Variants in OSBPL9 observed in about 807,000 individuals in gnomAD.
The protein encoded by OSBPL9 is oxysterol binding protein like 9.
Under a neutral mutation model 106.6 loss-of-function variants are expected in OSBPL9, and 40 were observed. That is an observed-to-expected ratio of 0.38 (90% CI 0.29 to 0.49). The LOEUF is 0.49. OSBPL9 is among the 20% of genes least tolerant of loss of function. OSBPL9 has a pLI of 0.97. For synonymous variants in OSBPL9, 269 were observed against 295.4 expected (o/e 0.91, Z 0.92); for missense variants, 609 against 887.2 (o/e 0.69, Z 3.98).
chr1:51,664,377 T>G (rs1454937285), intron 2 of OSBPL9, among the ~76,000 whole-genome samples: 4 of 152,068 alleles, frequency 2.6e-5, no homozygotes, highest in African/African-American at 9.7e-5. Flanking sequence ...AAATAAGTGG[T>G]GTGAGTCCAT....
At chr1:51,634,788 C>CCA (rs1645320847) in intron 1 of OSBPL9, among the ~76,000 whole-genome samples, 1 of 152,186 alleles carries the variant, frequency 6.6e-6, no homozygotes, top group South Asian at 2.1e-4. Flanking sequence ...TTAATGGACT[C>CCA]TCAGTTCCAC....
chr1:51,787,712 C>T lies in OSBPL9; in HGVS notation c.2137-3C>T, dbSNP rs764898862. On this transcript the variant is annotated splice_polypyrimidine_tract_variant and splice_region_variant and intron_variant, in intron 23 of 23. Coordinates refer to ENST00000428468, the MANE Select transcript of OSBPL9 (RefSeq NM_024586.6). ...AACTAAATTCTTCCTCTTTGTCTTA[C>T]AGTTATTTCATGAAGATGGAGAATG... is the stretch of plus-strand genomic sequence containing the variant. 3 of 1,611,898 alleles carry T rather than the reference C, an allele frequency of 1.9e-6. No individual in the cohort carries two copies. Among genetic ancestry groups the T allele is most frequent in the Non-Finnish European group, 2.5e-6 (3 of 1,178,092 alleles).
chr1:51,560,246 G>A, the OSBPL9 span, among the ~76,000 whole-genome samples: 1 of 152,210 alleles, frequency 6.6e-6, no homozygotes, highest in African/African-American at 2.4e-5. Flanking sequence ...GGCTTCCAGA[G>A]GCTCTGTTGT....
the OSBPL9 span, among the ~76,000 whole-genome samples, chr1:51,520,485 A>G: frequency 6.6e-6 from 1 of 152,134 alleles, no homozygotes; most frequent in Non-Finnish European, 1.5e-5. Flanking sequence ...TCTCCACCTC[A>G]CTGCACTGTA....
intron 3 of OSBPL9, among the ~76,000 whole-genome samples, chr1:51,686,519 A>G (rs1653844953): frequency 1.3e-5 from 2 of 152,218 alleles, no homozygotes; most frequent in Non-Finnish European, 2.9e-5. Flanking sequence ...TGTATTAGCA[A>G]TGTTTTCATG....
intron 2 of OSBPL9, among the ~76,000 whole-genome samples, chr1:51,601,460 CTCAGGTCTCCCTCT>C (rs1645324979): frequency 6.6e-6 from 1 of 152,236 alleles, no homozygotes; most frequent in Admixed American, 6.5e-5. Flanking sequence ...TCCAATCCTG[CTCAGGTCTCCCTCT>C]TCAGCTTCAT....
At chr1:51,669,041 C>T (rs1649213588) in intron 2 of OSBPL9, among the ~76,000 whole-genome samples, 1 of 152,202 alleles carries the variant, frequency 6.6e-6, no homozygotes, top group African/African-American at 2.4e-5. Flanking sequence ...TGCTGAAGAG[C>T]ACCTGCCTTC....
the OSBPL9 span, among the ~76,000 whole-genome samples, chr1:51,531,714 AG>A: frequency 0.021 from 3,241 of 152,316 alleles, 54 homozygotes; most frequent in Non-Finnish European, 0.031. Flanking sequence ...TCTGGAGTTC[AG>A]GGGAGAGGCC....
chr1:51,591,483 T>A (rs927578352), intron 1 of OSBPL9, among the ~76,000 whole-genome samples: 1 of 152,226 alleles, frequency 6.6e-6, no homozygotes, highest in African/African-American at 2.4e-5. Context: ...AGTTTTGTCT[T>A]AGACATGTGA....
intron 1 of OSBPL9, among the ~76,000 whole-genome samples, chr1:51,629,228 T>G (rs921748624): frequency 2.0e-5 from 3 of 152,202 alleles, no homozygotes; most frequent in African/African-American, 7.2e-5. Flanking sequence ...TGGCATATAT[T>G]GTTATTGCTT....
intron 2 of OSBPL9, among the ~76,000 whole-genome samples, chr1:51,607,698 G>A (rs1282531089): frequency 6.6e-6 from 1 of 152,134 alleles, no homozygotes; most frequent in Non-Finnish European, 1.5e-5. Flanking sequence ...CATCAGCTAT[G>A]TCTATCTGTT....
At position 51,767,936 on chromosome 1, in the gene OSBPL9, C is replaced by CTTTT. The variant is rs869092922; in HGVS notation, c.938+1979_938+1982dup. Among the ~76,000 whole-genome samples, 287 of 65,054 alleles carry CTTTT rather than the reference C, an allele frequency of 4.4e-3. 57 individuals carry two copies. The highest frequency in any genetic ancestry group is 0.015 in the African/African-American group (259 of 16,732). The allele number at this position is 65,054 out of a possible 152,430, so 42.7% of individuals were successfully genotyped here. A position where few individuals can be genotyped will look rare whatever the true frequency, so the allele number is the denominator to read the frequency against. ...TATTTAAAAGAGAATTAAAGACCGT[C>CTTTT]TTTTTTTTTTTTTTTTTTTTTTTTT... On this transcript the variant is annotated intron_variant, in intron 12 of 23. Coordinates refer to ENST00000428468, the MANE Select transcript of OSBPL9 (RefSeq NM_024586.6).
intron 3 of OSBPL9, among the ~76,000 whole-genome samples, chr1:51,703,617 T>C (rs531468969): frequency 6.6e-6 from 1 of 152,234 alleles, no homozygotes; most frequent in Non-Finnish European, 1.5e-5. Flanking sequence ...CTCTTCCTAA[T>C]TGAAGACCTT....
chr1:51,761,337 A>C (rs1048059791), intron 10 of OSBPL9, among the ~76,000 whole-genome samples: 30 of 151,778 alleles, frequency 2.0e-4, no homozygotes, highest in Admixed American at 2.0e-4. Flanking sequence ...ACCTAGCTAC[A>C]CTGACTGATT....
intron 1 of OSBPL9, among the ~76,000 whole-genome samples, chr1:51,640,194 A>G (rs1258610010): frequency 6.6e-6 from 1 of 152,148 alleles, no homozygotes; most frequent in Non-Finnish European, 1.5e-5. Context: ...TCCTTACTGA[A>G]TTTTAAATAT....
chr1:51,784,595 TC>T lies in OSBPL9; in HGVS notation c.1829+14del, dbSNP rs753876276. The T allele has an allele frequency of 1.9e-4, 312 of 1,613,492 alleles. 1 individual carries two copies. The African/African-American group carries it at 3.8e-3, about 19-fold the overall frequency. ...CTGCCGAGATTTTGTAGGTATTTTTTCTGCCTTAGAGCTCTTATGCTTTTCT... is the reference window on the plus strand; with the variant it reads ...CTGCCGAGATTTTGTAGGTATTTTTTTGCCTTAGAGCTCTTATGCTTTTCT... On this transcript the variant is annotated intron_variant, in intron 20 of 23. Coordinates refer to ENST00000428468, the MANE Select transcript of OSBPL9 (RefSeq NM_024586.6).
rs574695704 is a variant in OSBPL9, at chr1:51,741,573, C to CT, written c.319-3953dup. Among the ~76,000 whole-genome samples the CT allele has an allele frequency of 5.9e-3, 833 of 141,472 alleles. 2 individuals carry two copies. The highest frequency in any genetic ancestry group is 0.012 in the African/African-American group (480 of 38,674). The allele number at this position is 141,472 out of a possible 152,430, so 92.8% of individuals were successfully genotyped here. On this transcript the variant is annotated intron_variant, in intron 4 of 23. Coordinates refer to ENST00000428468, the MANE Select transcript of OSBPL9 (RefSeq NM_024586.6). ...AACCTCTCTTTCTCTCTCTTTCTTT[C>CT]TTTTTTTTTTGAGGGTCTTACCCTG...
intron 20 of OSBPL9, chr1:51,785,304 C>T (rs1202623471): frequency 6.4e-6 from 1 of 155,730 alleles, no homozygotes; most frequent in Non-Finnish European, 1.4e-5. Flanking sequence ...AGTTGTGTGT[C>T]CAAGTAGAGG....
the OSBPL9 span, among the ~76,000 whole-genome samples, chr1:51,548,121 T>C: frequency 6.6e-6 from 1 of 152,148 alleles, no homozygotes; most frequent in Non-Finnish European, 1.5e-5. Flanking sequence ...GGAGTATGGT[T>C]CAGTTGCAGA....
Sources: allele counts gnomAD v4.1 joint callset (sites outside exome capture counted in the v4.1 genomes callset), GRCh38; gene constraint gnomAD v4.1.1; transcripts MANE v1.5; gene names NCBI Gene and HGNC (gene_info 2026-07-23, HGNC 2026-07-21).